The following KLF12 variants were observed in gnomAD, a reference collection of about 807,000 sequenced individuals.
The protein encoded by KLF12 is KLF transcription factor 12.
KLF12 carries 9 observed loss-of-function variants against 37.8 expected under a neutral mutation model. That is an observed-to-expected ratio of 0.24 (90% CI 0.14 to 0.42). The LOEUF (loss-of-function observed/expected upper bound fraction) is 0.42. Among genes scored for constraint, KLF12 ranks in the 10% least tolerant of loss-of-function variants. KLF12 has a pLI of 1.00. For synonymous variants in KLF12, 208 were observed against 202.1 expected (o/e 1.03, Z -0.25); for missense variants, 411 against 516.0 (o/e 0.80, Z 1.97).
At chr13:74,065,935 C>T (rs1462740628) in intron 1 of KLF12, among the ~76,000 whole-genome samples, 1 of 151,966 alleles carries the variant, frequency 6.6e-6, no homozygotes, top group Non-Finnish European at 1.5e-5. Flanking sequence ...ATGGAGAAGA[C>T]TCTTCAGGGT....
the KLF12 span, among the ~76,000 whole-genome samples, chr13:74,176,164 T>C: frequency 6.6e-6 from 1 of 152,154 alleles, no homozygotes; most frequent in Admixed American, 6.5e-5. Context: ...TTCCTCCTTA[T>C]CAGCATTGTG....
intron 1 of KLF12, among the ~76,000 whole-genome samples, chr13:74,023,799 T>C (rs1004642660): frequency 6.6e-6 from 1 of 152,156 alleles, no homozygotes; most frequent in Admixed American, 6.5e-5. Flanking sequence ...AGGAACTAAC[T>C]AGCAGGAAAG....
chr13:73,769,509 G>A (rs1880137710), intron 5 of KLF12, among the ~76,000 whole-genome samples: 1 of 152,072 alleles, frequency 6.6e-6, no homozygotes, highest in Non-Finnish European at 1.5e-5. Flanking sequence ...GCATGGGCTA[G>A]TTGTCACTGT....
chr13:74,247,277 T>C, the KLF12 span, among the ~76,000 whole-genome samples: 1 of 152,222 alleles, frequency 6.6e-6, no homozygotes, highest in East Asian at 1.9e-4. Context: ...TGAAATAATT[T>C]CCTTGTTTTT....
chr13:74,260,934 T>G, the KLF12 span, among the ~76,000 whole-genome samples: 3 of 152,106 alleles, frequency 2.0e-5, no homozygotes, highest in African/African-American at 7.2e-5. Flanking sequence ...CTAAATATTT[T>G]GAAAACAAAG....
At chr13:73,886,992 C>CA (rs35604161) in intron 3 of KLF12, among the ~76,000 whole-genome samples, 10,741 of 127,118 alleles carry the variant, frequency 0.084, 591 homozygotes, top group Middle Eastern at 0.2. Flanking sequence ...AAATCCGTCT[C>CA]AAAAAAAAAA....
At chr13:74,208,565 A>T in the KLF12 span, among the ~76,000 whole-genome samples, 7 of 152,222 alleles carry the variant, frequency 4.6e-5, no homozygotes, top group East Asian at 9.6e-4. Flanking sequence ...GTGTCCTTAG[A>T]TTCCAAAGAC....
the KLF12 span, among the ~76,000 whole-genome samples, chr13:74,143,153 C>T: frequency 6.6e-6 from 1 of 151,118 alleles, no homozygotes; most frequent in Non-Finnish European, 1.5e-5. Context: ...TCTTCTTCTC[C>T]TTCCTCTTCT....
At chr13:73,719,296 A>G (rs1876048834) in intron 6 of KLF12, among the ~76,000 whole-genome samples, 1 of 152,160 alleles carries the variant, frequency 6.6e-6, no homozygotes, top group Admixed American at 6.5e-5. Context: ...GTCGGCGGGC[A>G]CTGCAAGTGG....
At chr13:74,006,450 C>T (rs372674265) in intron 1 of KLF12, among the ~76,000 whole-genome samples, 1 of 152,164 alleles carries the variant, frequency 6.6e-6, no homozygotes, top group African/African-American at 2.4e-5. Context: ...CACCTTTGGG[C>T]AAAATTTCCC....
chr13:73,907,192 T>C (rs998341810), intron 3 of KLF12, among the ~76,000 whole-genome samples: 3 of 152,192 alleles, frequency 2.0e-5, no homozygotes, highest in Non-Finnish European at 4.4e-5. Context: ...GTCTCCATTA[T>C]AAAATATATG....
intron 4 of KLF12, among the ~76,000 whole-genome samples, chr13:73,826,209 G>A (rs1230004482): frequency 1.3e-5 from 2 of 151,952 alleles, no homozygotes; most frequent in Non-Finnish European, 2.9e-5. Context: ...TCCTGACCTC[G>A]TGATCTGCCC....
At chr13:74,082,869 C>T (rs1874997489) in intron 1 of KLF12, among the ~76,000 whole-genome samples, 1 of 152,000 alleles carries the variant, frequency 6.6e-6, no homozygotes, top group African/African-American at 2.4e-5. Flanking sequence ...GACAGACCTT[C>T]CGGCAAGAGT....
At chr13:73,929,671 C>T (rs1219007028) in intron 3 of KLF12, among the ~76,000 whole-genome samples, 1 of 152,190 alleles carries the variant, frequency 6.6e-6, no homozygotes, top group Non-Finnish European at 1.5e-5. Flanking sequence ...CACACTAGGT[C>T]TGCTCCAGTA....
chr13:74,284,841 C>T, the KLF12 span, among the ~76,000 whole-genome samples: 2 of 152,168 alleles, frequency 1.3e-5, no homozygotes, highest in Non-Finnish European at 2.9e-5. Context: ...ATTTACACTA[C>T]GGTATAGAAT....
At chr13:74,128,845 C>T (rs533314236) in intron 1 of KLF12, among the ~76,000 whole-genome samples, 2 of 151,644 alleles carry the variant, frequency 1.3e-5, no homozygotes, top group African/African-American at 4.8e-5. Flanking sequence ...TTTATACACA[C>T]GTGTGGCTTT....
At chr13:74,060,484 TTG>T (rs60242793) in intron 1 of KLF12, among the ~76,000 whole-genome samples, 5,622 of 108,458 alleles carry the variant, frequency 0.052, 139 homozygotes, top group East Asian at 0.077. Context: ...TACCTAGGTT[TTG>T]TGTGTGTGTG....
chr13:73,942,066 G>A (rs1241142325), intron 3 of KLF12, among the ~76,000 whole-genome samples: 2 of 152,128 alleles, frequency 1.3e-5, no homozygotes, highest in Non-Finnish European at 2.9e-5. Flanking sequence ...AAAACTGCTG[G>A]GAATAGTGGC....
At chr13:74,084,971 T>C (rs1875176902) in intron 1 of KLF12, among the ~76,000 whole-genome samples, 1 of 152,188 alleles carries the variant, frequency 6.6e-6, no homozygotes, top group Non-Finnish European at 1.5e-5. Context: ...CTATATATTA[T>C]GCTAGTTATA....
Sources: allele counts gnomAD v4.1 joint callset (sites outside exome capture counted in the v4.1 genomes callset), GRCh38; gene constraint gnomAD v4.1.1; transcripts MANE v1.5; gene names NCBI Gene and HGNC (gene_info 2026-07-23, HGNC 2026-07-21).